Variants in PAPSS2 observed in about 807,000 individuals in gnomAD.
The protein encoded by PAPSS2 is 3'-phosphoadenosine 5'-phosphosulfate synthase 2.
In PAPSS2, 61 loss-of-function variants were observed where a neutral mutation model predicts 66.5. The observed-to-expected ratio is 0.92, with a 90% confidence interval of 0.75 to 1.14. The LOEUF (loss-of-function observed/expected upper bound fraction) is 1.14. Among genes scored for constraint, PAPSS2 ranks in the 50% most tolerant of loss-of-function variants. The pLI is 0.00. For synonymous variants in PAPSS2, 289 were observed against 287.5 expected (o/e 1.01, Z -0.05); for missense variants, 708 against 789.6 (o/e 0.90, Z 1.24).
intron 6 of PAPSS2, among the ~76,000 whole-genome samples, chr10:87,715,450 A>G (rs1050039787): frequency 2.0e-5 from 3 of 152,262 alleles, no homozygotes; most frequent in African/African-American, 7.2e-5. Flanking sequence ...TAAACAGTGA[A>G]TTTTCAACTC....
intron 1 of PAPSS2, among the ~76,000 whole-genome samples, chr10:87,671,507 T>C (rs1327381051): frequency 6.6e-6 from 1 of 152,214 alleles, no homozygotes; most frequent in Middle Eastern, 3.2e-3. Context: ...GGTGAATGCA[T>C]ACACTCAAGA....
chr10:87,707,559 T>A (rs967771879), intron 1 of PAPSS2, among the ~76,000 whole-genome samples: 1 of 142,718 alleles, frequency 7.0e-6, no homozygotes, highest in African/African-American at 2.7e-5. Flanking sequence ...TCATTTCTTT[T>A]TTTTCTTTTT....
chr10:87,701,378 TTCTTTCTTTCTTTCTTTCTC>T (rs1853311111), intron 1 of PAPSS2, among the ~76,000 whole-genome samples: 2 of 104,836 alleles, frequency 1.9e-5, no homozygotes, highest in African/African-American at 9.3e-5. Context: ...CTTTCTTTCT[TTCTTTCTTTCTTTCTTTCTC>T]TTTCTTTCTC....
At chr10:87,738,478 G>A (rs1853828343) in intron 9 of PAPSS2, among the ~76,000 whole-genome samples, 1 of 151,860 alleles carries the variant, frequency 6.6e-6, no homozygotes. Flanking sequence ...ACGCAATCAT[G>A]GCTCACTGCA....
intron 9 of PAPSS2, among the ~76,000 whole-genome samples, chr10:87,740,863 C>T (rs1418330477): frequency 1.3e-5 from 2 of 152,140 alleles, no homozygotes; most frequent in African/African-American, 4.8e-5. Context: ...TACTTCCCTA[C>T]ATTTGGGGAG....
intron 1 of PAPSS2, among the ~76,000 whole-genome samples, chr10:87,664,079 A>G (rs1257988904): frequency 1.3e-5 from 2 of 152,162 alleles, no homozygotes; most frequent in South Asian, 2.1e-4. Flanking sequence ...GCTAACTTTT[A>G]AAGTTTTTGT....
intron 8 of PAPSS2, 75 bp from the exon 9 acceptor site, chr10:87,727,209 T>G (rs1853669389): frequency 1.6e-6 from 2 of 1,252,790 alleles, no homozygotes; most frequent in Non-Finnish European, 2.3e-6. Flanking sequence ...AGGGGCATTG[T>G]GCACATTTGA....
rs530645119 is a variant in PAPSS2 at position 87,704,638 on chromosome 10, TTTTG to T, written c.28-4542_28-4539del. 2.9e-3 allele frequency among the ~76,000 whole-genome samples: 449 copies of T among 152,296 alleles called. 3 individuals are homozygous for T. The highest frequency in any genetic ancestry group is 0.01 in the African/African-American group (425 of 41,560). Reference sequence around the variant, plus strand: ...TATATTTTCTCATCTGCTTACTTTTTTTTGTTTGTTTGTTTGTTTTTGAGACAAA... The same window carrying T: ...TATATTTTCTCATCTGCTTACTTTTTTTTGTTTGTTTGTTTTTGAGACAAA... On this transcript the variant is annotated intron_variant, in intron 1 of 12. Transcript: ENST00000456849.
intron 1 of PAPSS2, among the ~76,000 whole-genome samples, chr10:87,678,913 C>T (rs543599800): frequency 2.0e-5 from 3 of 152,274 alleles, no homozygotes; most frequent in African/African-American, 7.2e-5. Flanking sequence ...TACAGTCCAT[C>T]AGTTCCACTA....
intron 1 of PAPSS2, among the ~76,000 whole-genome samples, chr10:87,682,641 G>T (rs903436382): frequency 1.3e-5 from 2 of 152,132 alleles, no homozygotes; most frequent in Non-Finnish European, 2.9e-5. Context: ...AAATGGTAAA[G>T]AAAATTCCCA....
chr10:87,732,867 C>T (rs1448556494), intron 9 of PAPSS2, among the ~76,000 whole-genome samples: 1 of 152,064 alleles, frequency 6.6e-6, no homozygotes, highest in Admixed American at 6.6e-5. Context: ...ATTAGGGGGA[C>T]TCGATAAACA....
At chr10:87,735,214 C>T (rs966339715) in intron 9 of PAPSS2, among the ~76,000 whole-genome samples, 5 of 152,146 alleles carry the variant, frequency 3.3e-5, no homozygotes, top group Admixed American at 2.0e-4. Context: ...AGCAGAGCCT[C>T]TGGATCTCCC....
intron 1 of PAPSS2, among the ~76,000 whole-genome samples, chr10:87,704,883 C>G (rs1033117546): frequency 6.6e-6 from 1 of 152,116 alleles, no homozygotes; most frequent in African/African-American, 2.4e-5. Context: ...CTCAAGTGAT[C>G]CACCCACCTC....
chr10:87,745,788 T>C, intron 12 of PAPSS2, 44 bp from the exon 13 acceptor site: 1 of 1,608,460 alleles, frequency 6.2e-7, no homozygotes, highest in Non-Finnish European at 8.5e-7. Context: ...TTAAGGCAGA[T>C]ATCATTTACC....
At position 87,736,035 on chromosome 10, in the gene PAPSS2, G is replaced by A. The variant is rs1423244517; in HGVS notation, c.1087-5200G>A. The stretch of plus-strand genomic sequence containing the variant: ...TCCCTCTTCTCTGCTAACATTTCAG[G>A]TAACCAAGTTGTATTTGGAAAGTGG... On this transcript the variant is annotated intron_variant, in intron 9 of 12. Transcript: ENST00000456849. Among the ~76,000 whole-genome samples the A allele has an allele frequency of 6.6e-5, 10 of 152,162 alleles. No individual in the cohort carries two copies. In the South Asian group the frequency reaches 2.1e-3, roughly 32 times the overall value.
intron 7 of PAPSS2, among the ~76,000 whole-genome samples, chr10:87,718,674 G>T (rs1200342848): frequency 1.3e-5 from 2 of 152,222 alleles, no homozygotes; most frequent in Non-Finnish European, 2.9e-5. Flanking sequence ...ATCATGCTGG[G>T]TCACTCCAGC....
Position 87,714,807 on chromosome 10 carries a change from A to C in PAPSS2, c.583A>C (p.Asn195His). Reference protein sequence around the residue: ...PETPERVLKTNLSTVSDCVHQ... With the variant: ...PETPERVLKTHLSTVSDCVHQ... ...AACTCCTGAGCGTGTGCTTAAAACCAATTTGTCCACAGTGAGTGACTGTGT... is the reference window on the plus strand; with the variant it reads ...AACTCCTGAGCGTGTGCTTAAAACCCATTTGTCCACAGTGAGTGACTGTGT... The change falls in exon 5 of 13, where the codon AAT becomes CAT. Residue 195 changes from asparagine (N) to histidine (H), a missense_variant. Physicochemically the swap from Asn to His is moderately conservative, Grantham distance 68 (BLOSUM62 1). Transcript: ENST00000456849. 6.2e-7 allele frequency: 1 copy of C among 1,613,752 alleles called. No individual in the cohort carries two copies. The highest frequency in any genetic ancestry group is 8.5e-7 in the Non-Finnish European group (1 of 1,179,656).
At chr10:87,727,179 T>C in intron 8 of PAPSS2, 105 bp from the exon 9 acceptor site, 1 of 975,272 alleles carries the variant, frequency 1.0e-6, no homozygotes, top group South Asian at 1.3e-5. Context: ...TCTTAATGCT[T>C]CTTGAAGGAA....
intron 1 of PAPSS2, among the ~76,000 whole-genome samples, chr10:87,678,096 A>C (rs769865030): frequency 1.3e-5 from 2 of 152,170 alleles, no homozygotes; most frequent in African/African-American, 4.8e-5. Flanking sequence ...AGATACTATA[A>C]ATTTTTTTGA....
Sources: allele counts gnomAD v4.1 joint callset (sites outside exome capture counted in the v4.1 genomes callset), GRCh38; gene constraint gnomAD v4.1.1; transcripts MANE v1.5; gene names NCBI Gene and HGNC (gene_info 2026-07-23, HGNC 2026-07-21).